Variants in VEPH1 observed in about 807,000 individuals in gnomAD.
VEPH1 encodes the protein ventricular zone expressed PH domain containing 1.
A neutral mutation model predicts 85.2 loss-of-function variants in VEPH1; 80 were observed. The ratio of observed to expected loss-of-function variants is 0.94; its 90% CI spans 0.78 to 1.13. VEPH1 has a LOEUF of 1.13. Ranked by LOEUF, VEPH1 falls within the 50% of genes most tolerant of loss-of-function variation. VEPH1 has a pLI of 0.00. For synonymous variants in VEPH1, 297 were observed against 348.0 expected (o/e 0.85, Z 1.63); for missense variants, 955 against 980.5 (o/e 0.97, Z 0.35).
intron 3 of VEPH1, among the ~76,000 whole-genome samples, chr3:157,467,855 C>T (rs1328808667): frequency 6.6e-6 from 1 of 152,232 alleles, no homozygotes; most frequent in Non-Finnish European, 1.5e-5. Context: ...ACCTCAGAAC[C>T]CTGCTCTCTA....
rs181923212 is a variant in VEPH1 at position 157,269,659 on chromosome 3, T to C, written c.2129-3997A>G. ...TTTTTGTTGTTTTTTTTTTTTTTTT[T>C]TGCTATTACATCTAACATATGCATG... On this transcript the variant is annotated intron_variant, in intron 12 of 13. Coordinates refer to ENST00000362010, the MANE Select transcript of VEPH1 (RefSeq NM_001167912.2). 1.2e-3 allele frequency among the ~76,000 whole-genome samples: 177 copies of C among 149,862 alleles called. 2 individuals are homozygous for C. The East Asian group carries it at 0.03, about 25-fold the overall frequency.
rs959959444 is a variant in VEPH1 at position 157,276,590 on chromosome 3, C to T, written c.2128+9967G>A. 2.6e-5 allele frequency among the ~76,000 whole-genome samples: 4 copies of T among 152,102 alleles called. No homozygotes were observed. The East Asian group carries it at 7.7e-4, about 29-fold the overall frequency. On this transcript the variant is annotated intron_variant, in intron 12 of 13. Coordinates refer to ENST00000362010, the MANE Select transcript of VEPH1 (RefSeq NM_001167912.2). ...CCAATTGTAGGGAGAAAACTATGAC[C>T]TTTTGATAAAATTAAAGACAAGGAT... is the stretch of plus-strand genomic sequence containing the variant.
intron 5 of VEPH1, chr3:157,415,119 C>T (rs867028441): frequency 2.0e-4 from 30 of 152,210 alleles, no homozygotes; most frequent in African/African-American, 6.5e-4. Context: ...GAAACTGTTT[C>T]TCCCTTACCA....
At chr3:157,437,823 C>T (rs750651340) in intron 4 of VEPH1, 24 of 1,465,384 alleles carry the variant, frequency 1.6e-5, no homozygotes, top group African/African-American at 3.0e-5. Flanking sequence ...AGGCGGGGCG[C>T]GCCCTGGCCG....
At chr3:157,437,739 G>T (rs1189552530) in intron 4 of VEPH1, 1 of 1,497,956 alleles carries the variant, frequency 6.7e-7, no homozygotes. Context: ...CTCTGGACGA[G>T]CTGCTGCAGG....
intron 11 of VEPH1, among the ~76,000 whole-genome samples, chr3:157,300,349 A>G (rs543463625): frequency 1.3e-4 from 20 of 152,270 alleles, no homozygotes; most frequent in Admixed American, 7.8e-4. Context: ...TTTTTAAAAA[A>G]TTTCCTTGAC....
chr3:157,484,102 G>A (rs1211833682), intron 2 of VEPH1, among the ~76,000 whole-genome samples: 1 of 151,914 alleles, frequency 6.6e-6, no homozygotes, highest in Admixed American at 6.6e-5. Context: ...AAGTAGATTC[G>A]GTATAAAGAA....
chr3:157,270,616 C>T (rs1374956023), intron 12 of VEPH1, among the ~76,000 whole-genome samples: 1 of 151,998 alleles, frequency 6.6e-6, no homozygotes, highest in East Asian at 1.9e-4. Context: ...AATAACAGGT[C>T]TCCCAGAGCT....
rs1264189659 is a variant in VEPH1, at chr3:157,363,740, G to A, written c.1359C>T (p.His453=). The A allele has an allele frequency of 1.9e-6, 3 of 1,612,622 alleles. No homozygotes were observed. The Admixed American group carries it at 5.0e-5, about 27-fold the overall frequency. ...AACCCACACCCTTTGTGAGCATAGT[G>A]TGGAAAGCCAAACTTTTTGACCTAG... The part of the protein sequence containing the change: ...RFNRSKSLAF[H]TMLTKGVGSD... The change falls in exon 9 of 14, where the codon CAC becomes CAT. Residue 453 remains histidine (H), a synonymous_variant. Coordinates refer to ENST00000362010, the MANE Select transcript of VEPH1 (RefSeq NM_001167912.2).
At chr3:157,452,947 C>T (rs568098901) in intron 4 of VEPH1, among the ~76,000 whole-genome samples, 17 of 152,250 alleles carry the variant, frequency 1.1e-4, no homozygotes, top group African/African-American at 1.7e-4. Flanking sequence ...TTGCTGCAGC[C>T]GACTCCCATT....
intron 2 of VEPH1, among the ~76,000 whole-genome samples, chr3:157,482,778 T>G (rs991115110): frequency 1.3e-5 from 2 of 152,194 alleles, no homozygotes; most frequent in African/African-American, 4.8e-5. Flanking sequence ...GTTCTTGTTT[T>G]GGCTCTCATC....
chr3:157,310,229 TCTCAAC>T (rs1719961628), intron 11 of VEPH1, among the ~76,000 whole-genome samples: 1 of 152,210 alleles, frequency 6.6e-6, no homozygotes, highest in Non-Finnish European at 1.5e-5. Flanking sequence ...CTACCTCCAC[TCTCAAC>T]CTCCCTTAAT....
chr3:157,304,018 A>ATTTT (rs373193825), intron 11 of VEPH1, among the ~76,000 whole-genome samples: 11,289 of 64,900 alleles, frequency 0.17, 1,840 homozygotes, highest in African/African-American at 0.38. Flanking sequence ...CTCATCTTAT[A>ATTTT]TTTTTTATAT....
chr3:157,361,973 A>G (rs183149546), intron 9 of VEPH1, among the ~76,000 whole-genome samples: 1 of 152,266 alleles, frequency 6.6e-6, no homozygotes, highest in African/African-American at 2.4e-5. Flanking sequence ...TGACTCAGTA[A>G]GACACTGTTA....
chr3:157,437,844 G>A, intron 4 of VEPH1: 1 of 1,496,528 alleles, frequency 6.7e-7, no homozygotes, highest in South Asian at 1.2e-5. Context: ...CGGTGCTAGA[G>A]GAGCTGCGGC....
At chr3:157,461,729 G>GA (rs1307218449) in intron 3 of VEPH1, among the ~76,000 whole-genome samples, 1 of 151,916 alleles carries the variant, frequency 6.6e-6, no homozygotes, top group Non-Finnish European at 1.5e-5. Context: ...TTTACATGGG[G>GA]AAAAAACATA....
intron 12 of VEPH1, among the ~76,000 whole-genome samples, chr3:157,284,338 C>T (rs1716510264): frequency 6.6e-6 from 1 of 152,146 alleles, no homozygotes; most frequent in African/African-American, 2.4e-5. Context: ...AGCAGAGACA[C>T]TGTACCTTAT....
At chr3:157,425,348 G>A (rs971430434) in intron 5 of VEPH1, among the ~76,000 whole-genome samples, 12 of 152,192 alleles carry the variant, frequency 7.9e-5, no homozygotes, top group African/African-American at 1.9e-4. Context: ...GAAGGGAAAC[G>A]TGGGGTCAGA....
At chr3:157,497,956 A>T (rs1221227559) in intron 1 of VEPH1, among the ~76,000 whole-genome samples, 2 of 152,220 alleles carry the variant, frequency 1.3e-5, no homozygotes, top group Non-Finnish European at 2.9e-5. Context: ...GCACGTTTTC[A>T]ACTGTGATCT....
Sources: gnomAD v4.1 joint callset for allele counts (sites outside exome capture counted in the v4.1 genomes callset) on GRCh38, gnomAD v4.1.1 for gene constraint, MANE v1.5 for transcripts, NCBI Gene and HGNC (gene_info 2026-07-23, HGNC 2026-07-21) for gene names.